Variants in C6orf132 observed in about 807,000 individuals in gnomAD.
The protein encoded by C6orf132 is chromosome 6 open reading frame 132, also known as uncharacterized protein C6orf132.
In C6orf132, 43 loss-of-function variants were observed where a neutral mutation model predicts 65.3. The ratio of observed to expected loss-of-function variants is 0.66; its 90% CI spans 0.52 to 0.85. C6orf132 has a LOEUF of 0.85. C6orf132 is among the 40% of genes least tolerant of loss of function. The pLI, the probability that C6orf132 is intolerant of heterozygous loss-of-function variation, is 0.00. For missense variants in C6orf132, 1,488 were observed against 1,548.8 expected (o/e 0.96, Z 0.66); for synonymous variants, 631 against 654.1 (o/e 0.96, Z 0.54).
At chr6:42,116,661 C>T (rs1333461161) in intron 2 of C6orf132, among the ~76,000 whole-genome samples, 1 of 152,204 alleles carries the variant, frequency 6.6e-6, no homozygotes, top group Non-Finnish European at 1.5e-5. Flanking sequence ...GAAATTCAAA[C>T]ACCTTCACAT....
chr6:42,117,366 C>T (rs1460559666), intron 2 of C6orf132, among the ~76,000 whole-genome samples: 2 of 152,146 alleles, frequency 1.3e-5, no homozygotes, highest in Non-Finnish European at 2.9e-5. Flanking sequence ...CAAGGTCACA[C>T]AGCTAGTAAG....
In C6orf132 at chr6:42,105,793, C is replaced by T; in HGVS notation, c.2119G>A (p.Ala707Thr). The T allele has an allele frequency of 6.5e-7, 1 of 1,537,280 alleles. No individual in the cohort carries two copies. Among genetic ancestry groups the T allele is most frequent in the Non-Finnish European group, 8.7e-7 (1 of 1,146,914 alleles). The change falls in exon 4 of 5, where the codon GCA becomes ACA. Residue 707 changes from alanine (A) to threonine (T), a missense_variant. Physicochemically the swap from Ala to Thr is moderately conservative, Grantham distance 58 (BLOSUM62 0). Coordinates refer to ENST00000341865, the MANE Select transcript of C6orf132 (RefSeq NM_001164446.3). ...TLPTTTSQLM[A>T]EKDSGPAGQP... ...CCAGCTGGGCCTGAGTCCTTCTCTG[C>T]CATCAGTTGGGATGTGGTGGTGGGC...
Position 42,107,086 on chromosome 6 carries a change from G to T in C6orf132, c.826C>A (p.Pro276Thr). ...TTTGGCTCAGCAGGGCTTCTCGGGGGGCTGGCTCTGGTGGCCTCTGCCTGC... is the reference window on the plus strand; with the variant it reads ...TTTGGCTCAGCAGGGCTTCTCGGGGTGCTGGCTCTGGTGGCCTCTGCCTGC... ...GRQAEATRASPPRSPAEPKGS... is the reference protein window; with the variant it reads ...GRQAEATRASTPRSPAEPKGS... Residue 276 changes from proline to threonine, a missense_variant, in exon 4 of 5, where the codon CCC becomes ACC. By Grantham distance (38) the Pro-to-Thr change is conservative. Coordinates refer to ENST00000341865, the MANE Select transcript of C6orf132 (RefSeq NM_001164446.3). The T allele has an allele frequency of 6.8e-7, 1 of 1,468,524 alleles. No homozygotes were observed. The highest frequency in any genetic ancestry group is 9.0e-7 in the Non-Finnish European group (1 of 1,112,774). 91.0% of individuals were successfully genotyped at this position (1,468,524 alleles called of 1,614,324 possible). A position where few individuals can be genotyped will look rare whatever the true frequency, so the allele number is the denominator to read the frequency against.
chr6:42,104,477 G>C lies in C6orf132; in HGVS notation c.3435C>G (p.Ala1145=). The change falls in exon 4 of 5, where the codon GCC becomes GCG. Residue 1145 remains alanine, a synonymous_variant. Transcript: ENST00000341865. This position sits in a 1 kb window ranked among gnomAD's most constrained non-coding sequence, Gnocchi z 4.1. ...KAPGSADYGF[A]PAAGRSPYTT... ...CCGCAGCTCACCTGCCGGCAGCTGGGGCGAAGCCGTAGTCGGCGCTGCCGG... is the reference window on the plus strand; with the variant it reads ...CCGCAGCTCACCTGCCGGCAGCTGGCGCGAAGCCGTAGTCGGCGCTGCCGG... The C allele has an allele frequency of 8.1e-7, 1 of 1,231,480 alleles. No individual in the cohort carries two copies. Among genetic ancestry groups the C allele is most frequent in the Non-Finnish European group, 1.0e-6 (1 of 987,962 alleles). 76.3% of individuals were successfully genotyped at this position (1,231,480 alleles called of 1,614,324 possible).
rs980398579 is a variant in C6orf132 at position 42,102,944 on chromosome 6, G to A, written c.*817C>T. On this transcript the variant is annotated 3_prime_UTR_variant, in exon 5 of 5. Coordinates refer to ENST00000341865, the MANE Select transcript of C6orf132 (RefSeq NM_001164446.3). ...CAAGCCTAAGACTCATGGCTCCTTGGGCCCAGTCCCCAAAATCAGGGCTGC... is the reference window on the plus strand; with the variant it reads ...CAAGCCTAAGACTCATGGCTCCTTGAGCCCAGTCCCCAAAATCAGGGCTGC... 12 of 397,564 alleles carry A rather than the reference G, an allele frequency of 3.0e-5. 1 individual carries two copies. In the Admixed American group the frequency reaches 3.1e-4, roughly 10 times the overall value. 24.6% of individuals were successfully genotyped at this position (397,564 alleles called of 1,614,324 possible). A position where few individuals can be genotyped will look rare whatever the true frequency, so the allele number is the denominator to read the frequency against.
At chr6:42,110,152 T>A in intron 3 of C6orf132, 64 bp downstream of exon 3, 1 of 1,360,090 alleles carries the variant, frequency 7.4e-7, no homozygotes, top group Non-Finnish European at 1.0e-6. Context: ...GATGCTTAGC[T>A]TTTGAACTCA....
intron 2 of C6orf132, among the ~76,000 whole-genome samples, chr6:42,122,813 C>T (rs1562038415): frequency 6.6e-6 from 1 of 152,102 alleles, no homozygotes; most frequent in Non-Finnish European, 1.5e-5. Context: ...GCAGGGCAGG[C>T]GAGGCCTCCT....
chr6:42,128,451 T>C (rs1329640192), intron 2 of C6orf132, among the ~76,000 whole-genome samples: 1 of 152,060 alleles, frequency 6.6e-6, no homozygotes, highest in African/African-American at 2.4e-5. Context: ...TCTCCATAAC[T>C]TCTCCTTGGG....
At chr6:42,136,489 G>A (rs2127480155) in intron 1 of C6orf132, among the ~76,000 whole-genome samples, 1 of 152,292 alleles carries the variant, frequency 6.6e-6, no homozygotes, top group South Asian at 2.1e-4. Context: ...TTGACTAAGA[G>A]TAACCCAGAA....
Position 42,115,474 on chromosome 6 carries a change from G to A in C6orf132, c.253-5183C>T, listed in dbSNP as rs529193920. On this transcript the variant is annotated intron_variant, in intron 2 of 4. Coordinates refer to ENST00000341865, the MANE Select transcript of C6orf132 (RefSeq NM_001164446.3). Reference sequence around the variant, plus strand: ...ATCCTGGCTAACACGGCGAAACCCCGCCTCTACTAAAAACACAAAATATTA... The same window carrying A: ...ATCCTGGCTAACACGGCGAAACCCCACCTCTACTAAAAACACAAAATATTA... Among the ~76,000 whole-genome samples, 99 of 150,162 alleles carry A rather than the reference G, an allele frequency of 6.6e-4. 1 individual carries two copies. The highest frequency in any genetic ancestry group is 2.2e-3 in the African/African-American group (91 of 40,826).
rs1766319559 is a variant in C6orf132, at chr6:42,102,996, T to G, written c.*765A>C. 1 of 398,546 alleles carries G rather than the reference T, an allele frequency of 2.5e-6. No individual in the cohort carries two copies. The highest frequency in any genetic ancestry group is 4.4e-6 in the Non-Finnish European group (1 of 226,090). 24.7% of individuals were successfully genotyped at this position (398,546 alleles called of 1,614,324 possible). A position where few individuals can be genotyped will look rare whatever the true frequency, so the allele number is the denominator to read the frequency against. ...CAGGTCTGAATAGCAAAGCCAGGCT[T>G]AACCTTGTTTCCCATCCTAAACTTG... is the stretch of plus-strand genomic sequence containing the variant. On this transcript the variant is annotated 3_prime_UTR_variant, in exon 5 of 5. Transcript: ENST00000341865.
At chr6:42,117,923 C>CAAAAAAAAAAAAAAA (rs556142891) in intron 2 of C6orf132, among the ~76,000 whole-genome samples, 39 of 62,348 alleles carry the variant, frequency 6.3e-4, no homozygotes, top group East Asian at 2.3e-3. Context: ...AACCCTGTCA[C>CAAAAAAAAAAAAAAA]AAAAAAAAAA....
rs183642459 is a variant in C6orf132, at chr6:42,126,154, T to A, written c.252+2518A>T. On this transcript the variant is annotated intron_variant, in intron 2 of 4. Coordinates refer to ENST00000341865, the MANE Select transcript of C6orf132 (RefSeq NM_001164446.3). ...TGGAGTGCAGTGGTGCAATCTTGGC[T>A]CACTGCAACCTCCGCCTCCAGGTTC... Among the ~76,000 whole-genome samples, 255 of 152,204 alleles carry A rather than the reference T, an allele frequency of 1.7e-3. 2 individuals carry two copies. The highest frequency in any genetic ancestry group is 0.014 in the Admixed American group (217 of 15,278).
intron 2 of C6orf132, among the ~76,000 whole-genome samples, chr6:42,120,255 T>C (rs1766659117): frequency 6.6e-6 from 1 of 151,482 alleles, no homozygotes; most frequent in African/African-American, 2.4e-5. Flanking sequence ...TCTTTTTTTT[T>C]TTTTTTCTTG....
rs1767056650 is a variant in C6orf132, at chr6:42,142,500, T to C, written c.-56A>G. The C allele has an allele frequency of 7.1e-7, 1 of 1,409,070 alleles. No individual in the cohort carries two copies. Among genetic ancestry groups the C allele is most frequent in the South Asian group, 1.3e-5 (1 of 79,032 alleles). The allele number at this position is 1,409,070 out of a possible 1,614,324, so 87.3% of individuals were successfully genotyped here. On this transcript the variant is annotated 5_prime_UTR_variant, in exon 1 of 5. Coordinates refer to ENST00000341865, the MANE Select transcript of C6orf132 (RefSeq NM_001164446.3). ...GGACCTTCCCTCCCTCGCCCTGCCC[T>C]GCCCCGGACTGAACTCAGCACGGTC...
In C6orf132 at chr6:42,104,760, A is replaced by T; in HGVS notation, c.3152T>A (p.Leu1051Gln). The change falls in exon 4 of 5, where the codon CTG (leucine) becomes CAG (glutamine). Residue 1051 changes from leucine (L) to glutamine (Q), a missense_variant. Leu to Gln is a moderately radical substitution (Grantham distance 113, BLOSUM62 -2). Transcript: ENST00000341865. This position sits in a 1 kb window ranked among gnomAD's most constrained non-coding sequence, Gnocchi z 4.1. ...GCGGCCCCCTCCCGAGAAGCGCTCCAGGCCCCCAGCCCCGGCGTAGCGCGC... is the reference window on the plus strand; with the variant it reads ...GCGGCCCCCTCCCGAGAAGCGCTCCTGGCCCCCAGCCCCGGCGTAGCGCGC... ...AGARYAGAGG[L>Q]ERFSGGGRSL... 6.6e-7 allele frequency: 1 copy of T among 1,517,162 alleles called. No homozygotes were observed. The highest frequency in any genetic ancestry group is 1.2e-5 in the South Asian group (1 of 82,960). The allele number at this position is 1,517,162 out of a possible 1,614,324, so 94.0% of individuals were successfully genotyped here. A position where few individuals can be genotyped will look rare whatever the true frequency, so the allele number is the denominator to read the frequency against.
intron 1 of C6orf132, among the ~76,000 whole-genome samples, chr6:42,141,127 G>C (rs1004262816): frequency 6.7e-6 from 1 of 150,098 alleles, no homozygotes; most frequent in Admixed American, 6.6e-5. Flanking sequence ...TTCACCCCCT[G>C]ATCTGATATC....
At chr6:42,128,058 GGGACTACAGGTGCTTGC>G in intron 2 of C6orf132, among the ~76,000 whole-genome samples, 1 of 151,318 alleles carries the variant, frequency 6.6e-6, no homozygotes, top group South Asian at 2.1e-4. Context: ...CCGAGTAGCT[GGGACTACAGGTGCTTGC>G]CACTACACCG....
At chr6:42,135,155 G>A (rs1766919596) in intron 1 of C6orf132, among the ~76,000 whole-genome samples, 1 of 152,204 alleles carries the variant, frequency 6.6e-6, no homozygotes, top group Non-Finnish European at 1.5e-5. Context: ...CCCCACTGGG[G>A]AGAGCCACCG....
Sources: gnomAD v4.1 joint callset for allele counts (sites outside exome capture counted in the v4.1 genomes callset) on GRCh38, gnomAD v4.1.1 for gene constraint, Gnocchi (gnomAD v3.1) non-coding constraint, MANE v1.5 for transcripts, NCBI Gene and HGNC (gene_info 2026-07-23, HGNC 2026-07-21) for gene names.